Variants in NOXRED1 observed in about 807,000 individuals in gnomAD.
The protein encoded by NOXRED1 is NADP dependent oxidoreductase domain containing 1, also known as NADP-dependent oxidoreductase domain-containing protein 1.
A neutral mutation model predicts 30.4 loss-of-function variants in NOXRED1; 20 were observed. That is an observed-to-expected ratio of 0.66 (90% CI 0.46 to 0.96). The LOEUF (loss-of-function observed/expected upper bound fraction) is 0.96. Ranked by LOEUF, NOXRED1 falls within the 40% of genes least tolerant of loss-of-function variation. The pLI is 0.00. For synonymous variants in NOXRED1, 155 were observed against 168.0 expected, an observed-to-expected ratio of 0.92 and a Z score of 0.60; for missense variants, 374 against 428.0, an observed-to-expected ratio of 0.87 and a Z score of 1.11.
At chr14:77,414,795 T>C (rs11627016) in intron 1 of NOXRED1, among the ~76,000 whole-genome samples, 66,486 of 152,100 alleles carry the variant, frequency 0.44, 16,920 homozygotes, top group East Asian at 0.93. Context: ...TACAGCATAC[T>C]GTAATGTCTA....
chr14:77,415,174 T>G (rs1894777126), intron 1 of NOXRED1, among the ~76,000 whole-genome samples: 1 of 129,784 alleles, frequency 7.7e-6, no homozygotes. Flanking sequence ...AGACCCTGTC[T>G]CAGGAAAACA....
Position 77,406,877 on chromosome 14 carries a change from T to C in NOXRED1, c.531-2A>G, listed in dbSNP as rs765743699. The C allele has an allele frequency of 6.2e-7, 1 of 1,612,738 alleles. No individual in the cohort carries two copies. Among genetic ancestry groups the C allele is most frequent in the Admixed American group, 1.7e-5 (1 of 59,772 alleles). On this transcript the variant is annotated splice_acceptor_variant, in intron 3 of 5. Coordinates refer to ENST00000380835, the MANE Select transcript of NOXRED1 (RefSeq NM_001113475.3). LOFTEE classifies it high-confidence loss of function. ...GTGTGGTTCAACAGTAGTTTCAGCCTGGAAGTAAAGCCAAGACAGGGAGTG... is the reference window on the plus strand; with the variant it reads ...GTGTGGTTCAACAGTAGTTTCAGCCCGGAAGTAAAGCCAAGACAGGGAGTG...
chr14:77,422,759 A>C lies in NOXRED1; in HGVS notation c.131T>G (p.Phe44Cys). 6.2e-7 allele frequency: 1 copy of C among 1,614,142 alleles called. No homozygotes were observed. Among genetic ancestry groups the C allele is most frequent in the Non-Finnish European group, 8.5e-7 (1 of 1,180,004 alleles). ...MIEACAHATF[F>C]CKLLYNLRAS... is the part of the protein sequence containing the mutation. Reference sequence around the variant, plus strand: ...CCTCAAATTATATAATAGTTTGCAGAAGAAGGTTGCATGGGCACAAGCCTC... The same window carrying C: ...CCTCAAATTATATAATAGTTTGCAGCAGAAGGTTGCATGGGCACAAGCCTC... Residue 44 changes from phenylalanine (F) to cysteine (C), a missense_variant, in exon 1 of 6, where the codon TTC becomes TGC. Phe to Cys is a radical substitution (Grantham distance 205, BLOSUM62 -2). Coordinates refer to ENST00000380835, the MANE Select transcript of NOXRED1 (RefSeq NM_001113475.3).
intron 5 of NOXRED1, among the ~76,000 whole-genome samples, chr14:77,404,668 C>T (rs574934108): frequency 2.0e-5 from 3 of 151,992 alleles, no homozygotes; most frequent in South Asian, 2.1e-4. Context: ...CCTGAAAACA[C>T]CCAGATTTAA....
chr14:77,408,128 A>G (rs558642983), intron 2 of NOXRED1, among the ~76,000 whole-genome samples: 1 of 152,308 alleles, frequency 6.6e-6, no homozygotes, highest in East Asian at 1.9e-4. Context: ...TCGTCCGCCC[A>G]AAGTGCAGGG....
intron 2 of NOXRED1, among the ~76,000 whole-genome samples, chr14:77,412,057 C>G (rs1473058336): frequency 1.4e-5 from 2 of 147,792 alleles, no homozygotes; most frequent in Non-Finnish European, 3.0e-5. Context: ...ATCGTGCTCT[C>G]CACGATCTGC....
intron 1 of NOXRED1, among the ~76,000 whole-genome samples, chr14:77,421,792 G>GTTTT (rs1894999888): frequency 6.6e-6 from 1 of 152,140 alleles, no homozygotes; most frequent in Non-Finnish European, 1.5e-5. Flanking sequence ...AAAAACCAGT[G>GTTTT]TCTTAAAGCT....
intron 1 of NOXRED1, among the ~76,000 whole-genome samples, chr14:77,415,475 CAGG>C (rs1357806684): frequency 1.3e-5 from 2 of 152,006 alleles, no homozygotes; most frequent in Non-Finnish European, 2.9e-5. Flanking sequence ...AAGGCTGAGG[CAGG>C]AGAATCTCTT....
chr14:77,400,505 G>C (rs1894298569), intron 5 of NOXRED1, among the ~76,000 whole-genome samples: 1 of 152,200 alleles, frequency 6.6e-6, no homozygotes, highest in Admixed American at 6.5e-5. Context: ...GAATACAGGA[G>C]ACATCAATCA....
At chr14:77,416,345 TGCG>T (rs1274235317) in intron 1 of NOXRED1, among the ~76,000 whole-genome samples, 3 of 152,162 alleles carry the variant, frequency 2.0e-5, no homozygotes, top group African/African-American at 4.8e-5. Flanking sequence ...CAGAGGACCT[TGCG>T]GCCTTCCACA....
chr14:77,402,361 C>T (rs1292630608), intron 5 of NOXRED1, among the ~76,000 whole-genome samples: 2 of 152,246 alleles, frequency 1.3e-5, no homozygotes, highest in Non-Finnish European at 2.9e-5. Context: ...CGCCATGGCT[C>T]ACGCCTGTAA....
rs759636147 is a variant in NOXRED1, at chr14:77,407,509, C to G, written c.486G>C (p.Lys162Asn). ...ICVEIYTSLE[K>N]ASIVYSFVAA... Reference sequence around the variant, plus strand: ...CTACAAAGCTGTACACAATGCTGGCCTTCTCAAGGCTGGTGTAAATTTCTA... The same window carrying G: ...CTACAAAGCTGTACACAATGCTGGCGTTCTCAAGGCTGGTGTAAATTTCTA... Residue 162 changes from lysine to asparagine, a missense_variant, in exon 3 of 6, where the codon AAG becomes AAC. Coordinates refer to ENST00000380835, the MANE Select transcript of NOXRED1 (RefSeq NM_001113475.3). 1.2e-6 allele frequency: 2 copies of G among 1,613,950 alleles called. No individual in the cohort carries two copies. The highest frequency in any genetic ancestry group is 2.7e-5 in the African/African-American group (2 of 74,896).
chr14:77,414,174 A>G, intron 1 of NOXRED1, 47 bp from the exon 2 acceptor site: 1 of 1,109,664 alleles, frequency 9.0e-7, no homozygotes, highest in Non-Finnish European at 1.2e-6. Flanking sequence ...TGCACACACT[A>G]GTTTTTCTTT....
At chr14:77,417,156 A>G (rs890153779) in intron 1 of NOXRED1, among the ~76,000 whole-genome samples, 4 of 151,358 alleles carry the variant, frequency 2.6e-5, no homozygotes, top group African/African-American at 7.3e-5. Context: ...AAAAAAAAAA[A>G]GACGGTTGGT....
At chr14:77,423,781 T>C (rs1353745175), upstream of NOXRED1, among the ~76,000 whole-genome samples, 1 of 152,232 alleles carries the variant, frequency 6.6e-6, no homozygotes, top group Non-Finnish European at 1.5e-5. Context: ...TTAGCACTAC[T>C]TGAGTTAGTT....
At chr14:77,412,637 T>G (rs1372469788) in intron 2 of NOXRED1, among the ~76,000 whole-genome samples, 2 of 152,122 alleles carry the variant, frequency 1.3e-5, no homozygotes, top group African/African-American at 4.8e-5. Flanking sequence ...CTCAGCCGCC[T>G]GAGTAGCTGG....
intron 2 of NOXRED1, among the ~76,000 whole-genome samples, chr14:77,408,291 G>A (rs1406824328): frequency 6.6e-6 from 1 of 152,046 alleles, no homozygotes; most frequent in Admixed American, 6.6e-5. Flanking sequence ...AACTTCCTGA[G>A]CTCAAGGGAT....
At chr14:77,416,102 G>A (rs1323327385) in intron 1 of NOXRED1, among the ~76,000 whole-genome samples, 1 of 152,118 alleles carries the variant, frequency 6.6e-6, no homozygotes, top group Non-Finnish European at 1.5e-5. Flanking sequence ...CCTCATATAA[G>A]TAGAATTATG....
At position 77,396,138 on chromosome 14, in the gene NOXRED1, G is replaced by A. The variant is rs375795926; in HGVS notation, c.906-1333C>T. Among the ~76,000 whole-genome samples the A allele has an allele frequency of 6.6e-4, 101 of 151,934 alleles. 2 individuals carry two copies. In the South Asian group the frequency reaches 0.02, roughly 30 times the overall value. ...AATAGTACTAGAAGTTCTAGGCAAT[G>A]CAATAAGGCAAGAAAAGGAAATTAG... On this transcript the variant is annotated intron_variant, in intron 5 of 5. Coordinates refer to ENST00000380835, the MANE Select transcript of NOXRED1 (RefSeq NM_001113475.3).
Sources: allele counts gnomAD v4.1 joint callset (sites outside exome capture counted in the v4.1 genomes callset), GRCh38; gene constraint gnomAD v4.1.1; transcripts MANE v1.5; gene names NCBI Gene and HGNC (gene_info 2026-07-23, HGNC 2026-07-21).